The following ZNF804A variants were observed in gnomAD, a reference collection of about 807,000 sequenced individuals.
The protein encoded by ZNF804A is zinc finger protein 804A.
Under a neutral mutation model 16.5 loss-of-function variants are expected in ZNF804A, and 2 were observed. That is an observed-to-expected ratio of 0.12 (90% CI 0.05 to 0.38). The LOEUF (loss-of-function observed/expected upper bound fraction) is 0.38, where lower values mean the gene tolerates loss of function less well. Among genes scored for constraint, ZNF804A ranks in the 10% least tolerant of loss-of-function variants. ZNF804A has a pLI of 0.99. For synonymous variants in ZNF804A, 534 were observed against 489.6 expected (o/e 1.09, Z -1.20); for missense variants, 1,473 against 1,390.7 (o/e 1.06, Z -0.94).
chr2:184,769,846 A>G (rs1362386310), intron 1 of ZNF804A, among the ~76,000 whole-genome samples: 5 of 152,046 alleles, frequency 3.3e-5, no homozygotes, highest in Non-Finnish European at 7.4e-5. Context: ...GATGTTTGCC[A>G]AGTAAGATAT....
At chr2:184,681,351 A>G (rs182221813) in intron 1 of ZNF804A, among the ~76,000 whole-genome samples, 8 of 152,350 alleles carry the variant, frequency 5.3e-5, no homozygotes, top group African/African-American at 1.9e-4. Flanking sequence ...ATGTTACCAA[A>G]CAAAAAAGAC....
intron 1 of ZNF804A, among the ~76,000 whole-genome samples, chr2:184,714,962 A>G (rs1257317932): frequency 2.6e-5 from 4 of 152,184 alleles, no homozygotes; most frequent in Non-Finnish European, 5.9e-5. Context: ...ATATTGAAGG[A>G]TGAGTCTTCA....
At chr2:184,869,065 C>A (rs1695930450) in intron 2 of ZNF804A, among the ~76,000 whole-genome samples, 1 of 151,992 alleles carries the variant, frequency 6.6e-6, no homozygotes, top group Non-Finnish European at 1.5e-5. Context: ...CTCATTTGGA[C>A]ATTTCGGATT....
chr2:184,689,103 T>C (rs991747481), intron 1 of ZNF804A, among the ~76,000 whole-genome samples: 3 of 152,042 alleles, frequency 2.0e-5, no homozygotes, highest in African/African-American at 7.2e-5. Context: ...ACCCACTAGG[T>C]TCTGTGTTAT....
chr2:184,901,984 C>A (rs1422067335), intron 2 of ZNF804A: 1 of 151,984 alleles, frequency 6.6e-6, no homozygotes, highest in Non-Finnish European at 1.5e-5. Context: ...AATTTAGCTA[C>A]CTTTTTCTTC....
chr2:184,819,777 A>T lies in ZNF804A; in HGVS notation c.112-46592A>T, dbSNP rs111961294. ...CAGAAATAAAAACAACCATCACAGAATACTATAAACACCTCTATGCACATA... is the reference window on the plus strand; with the variant it reads ...CAGAAATAAAAACAACCATCACAGATTACTATAAACACCTCTATGCACATA... On this transcript the variant is annotated intron_variant, in intron 1 of 3. Coordinates refer to ENST00000302277, the MANE Select transcript of ZNF804A (RefSeq NM_194250.2). 7.3e-3 allele frequency among the ~76,000 whole-genome samples: 1,115 copies of T among 152,190 alleles called. 10 individuals are homozygous for T. The highest frequency in any genetic ancestry group is 0.026 in the African/African-American group (1,070 of 41,542).
At chr2:184,606,505 A>G (rs1385645578) in intron 1 of ZNF804A, among the ~76,000 whole-genome samples, 1 of 152,236 alleles carries the variant, frequency 6.6e-6, no homozygotes, top group Admixed American at 6.5e-5. Context: ...GTGGGGACAC[A>G]GAGCCAAATC....
intron 1 of ZNF804A, among the ~76,000 whole-genome samples, chr2:184,658,565 G>C (rs184369373): frequency 6.6e-6 from 1 of 152,144 alleles, no homozygotes; most frequent in Non-Finnish European, 1.5e-5. Flanking sequence ...TTAGACTATG[G>C]AGGAGAAGGA....
intron 1 of ZNF804A, among the ~76,000 whole-genome samples, chr2:184,736,663 A>C (rs911775871): frequency 6.6e-6 from 1 of 152,144 alleles, no homozygotes; most frequent in African/African-American, 2.4e-5. Context: ...ATACCTATGT[A>C]AGAAACCTGC....
At chr2:184,669,499 A>C (rs1017560990) in intron 1 of ZNF804A, among the ~76,000 whole-genome samples, 1 of 152,068 alleles carries the variant, frequency 6.6e-6, no homozygotes, top group East Asian at 1.9e-4. Flanking sequence ...GAAAGGCAAG[A>C]CTGGTAAAAA....
rs568333362 is a variant in ZNF804A at position 184,682,469 on chromosome 2, T to A, written c.111+83399T>A. Reference sequence around the variant, plus strand: ...ATGGGTAGAATTAGCTACATTTGATTTTTTTTGTGACTTTTTTTTGCTTGA... The same window carrying A: ...ATGGGTAGAATTAGCTACATTTGATATTTTTTGTGACTTTTTTTTGCTTGA... On this transcript the variant is annotated intron_variant, in intron 1 of 3. Coordinates refer to ENST00000302277, the MANE Select transcript of ZNF804A (RefSeq NM_194250.2). Among the ~76,000 whole-genome samples the A allele has an allele frequency of 2.6e-5, 4 of 152,284 alleles. No homozygotes were observed. The East Asian group carries it at 5.8e-4, about 22-fold the overall frequency.
intron 1 of ZNF804A, among the ~76,000 whole-genome samples, chr2:184,786,820 TTTAGA>T (rs1694455690): frequency 6.6e-6 from 1 of 152,004 alleles, no homozygotes; most frequent in Non-Finnish European, 1.5e-5. Context: ...AATGTATTTC[TTTAGA>T]TTAAGTAACT....
At chr2:184,788,925 A>G (rs1694490160) in intron 1 of ZNF804A, among the ~76,000 whole-genome samples, 1 of 151,948 alleles carries the variant, frequency 6.6e-6, no homozygotes, top group South Asian at 2.1e-4. Context: ...TTCCTGGGAG[A>G]AATACTTTCA....
chr2:184,899,248 A>C (rs757990729), intron 2 of ZNF804A, among the ~76,000 whole-genome samples: 3 of 152,030 alleles, frequency 2.0e-5, no homozygotes, highest in Admixed American at 2.0e-4. Flanking sequence ...GACTATTTGC[A>C]GGCATCAAAT....
intron 1 of ZNF804A, among the ~76,000 whole-genome samples, chr2:184,761,531 A>C (rs966358951): frequency 6.6e-6 from 1 of 152,102 alleles, no homozygotes. Flanking sequence ...TACTTACAAC[A>C]GTCTATTCCA....
chr2:184,706,489 A>G (rs1488997597), intron 1 of ZNF804A, among the ~76,000 whole-genome samples: 1 of 152,158 alleles, frequency 6.6e-6, no homozygotes, highest in Non-Finnish European at 1.5e-5. Context: ...GTGATCATGT[A>G]TATACCATTT....
At chr2:184,907,148 G>A (rs1685289147) in intron 2 of ZNF804A, among the ~76,000 whole-genome samples, 1 of 152,128 alleles carries the variant, frequency 6.6e-6, no homozygotes, top group Admixed American at 6.6e-5. Flanking sequence ...CAGCCACTGT[G>A]CCTCACTTTT....
At chr2:184,768,579 G>C (rs1367151632) in intron 1 of ZNF804A, among the ~76,000 whole-genome samples, 1 of 151,938 alleles carries the variant, frequency 6.6e-6, no homozygotes, top group Non-Finnish European at 1.5e-5. Context: ...GTTTCAGTAG[G>C]TTTAAAGTGG....
At chr2:184,686,090 GTGGGTGC>G (rs1692625176) in intron 1 of ZNF804A, among the ~76,000 whole-genome samples, 1 of 152,244 alleles carries the variant, frequency 6.6e-6, no homozygotes, top group South Asian at 2.1e-4. Context: ...CCACACTGGA[GTGGGTGC>G]TGGGTGTGAG....
Sources: allele counts gnomAD v4.1 joint callset (sites outside exome capture counted in the v4.1 genomes callset), GRCh38; gene constraint gnomAD v4.1.1; transcripts MANE v1.5; gene names NCBI Gene and HGNC (gene_info 2026-07-23, HGNC 2026-07-21).